The following SWAP70 variants were observed in gnomAD, a reference collection of about 807,000 sequenced individuals.
SWAP70 encodes the protein switching B cell complex subunit SWAP70.
In SWAP70, 34 loss-of-function variants were observed where a neutral mutation model predicts 80.2. That is an observed-to-expected ratio of 0.42 (90% CI 0.32 to 0.56). The LOEUF (loss-of-function observed/expected upper bound fraction) is 0.56, where lower values mean the gene tolerates loss of function less well. Among genes scored for constraint, SWAP70 ranks in the 20% least tolerant of loss-of-function variants. The pLI, the probability that SWAP70 is intolerant of heterozygous loss-of-function variation, is 0.09. For missense variants in SWAP70, 578 were observed against 690.7 expected (o/e 0.84, Z 1.83); for synonymous variants, 239 against 238.5 (o/e 1.00, Z -0.02).
intron 6 of SWAP70, among the ~76,000 whole-genome samples, chr11:9,730,577 T>C (rs1040075922): frequency 6.6e-5 from 10 of 152,296 alleles, no homozygotes; most frequent in African/African-American, 2.2e-4. Context: ...ATTTGAAGAA[T>C]ATAGAATTTT....
chr11:9,722,148 T>C, intron 3 of SWAP70, among the ~76,000 whole-genome samples: 1 of 152,236 alleles, frequency 6.6e-6, no homozygotes, highest in East Asian at 1.9e-4. Context: ...GTGATGGGCA[T>C]TGTGCAAATT....
chr11:9,749,609 C>T lies in SWAP70; in HGVS notation c.1652-255C>T, dbSNP rs564077155. 2.0e-5 allele frequency among the ~76,000 whole-genome samples: 3 copies of T among 152,270 alleles called. No homozygotes were observed. In the South Asian group the frequency reaches 6.2e-4, roughly 32 times the overall value. On this transcript the variant is annotated intron_variant, in intron 11 of 11. Coordinates refer to ENST00000318950, the MANE Select transcript of SWAP70 (RefSeq NM_015055.4). ...GTGTATTTGAATTGTACTAAAGAAA[C>T]TTTTTTAGCCCAAATGTAAAAAAAC...
chr11:9,745,323 G>A (rs183709539), intron 9 of SWAP70, among the ~76,000 whole-genome samples: 178 of 152,306 alleles, frequency 1.2e-3, no homozygotes, highest in Admixed American at 2.8e-3. Context: ...GAGTCACTCC[G>A]AGTGTGTTGC....
intron 1 of SWAP70, among the ~76,000 whole-genome samples, chr11:9,684,349 A>G (rs557298985): frequency 1.3e-5 from 2 of 152,160 alleles, no homozygotes; most frequent in African/African-American, 4.8e-5. Flanking sequence ...CCCAGTGTTG[A>G]GATTATGGGC....
chr11:9,672,560 G>T (rs1285703411), intron 1 of SWAP70, among the ~76,000 whole-genome samples: 2 of 102,476 alleles, frequency 2.0e-5, no homozygotes, highest in Non-Finnish European at 4.1e-5. Context: ...TTTTTGTAGA[G>T]ACAGGGTCTC....
At chr11:9,671,922 ATAAT>A (rs1409676021) in intron 1 of SWAP70, among the ~76,000 whole-genome samples, 1 of 110,110 alleles carries the variant, frequency 9.1e-6, no homozygotes, top group Non-Finnish European at 1.6e-5. Context: ...TAATTATAAT[ATAAT>A]TATATTTTAT....
chr11:9,690,691 C>T (rs532697254), intron 1 of SWAP70, among the ~76,000 whole-genome samples: 10 of 151,864 alleles, frequency 6.6e-5, no homozygotes, highest in East Asian at 1.9e-4. Flanking sequence ...GTTTGAGACC[C>T]GCCTGGGCAC....
intron 2 of SWAP70, among the ~76,000 whole-genome samples, chr11:9,701,540 T>C (rs915149456): frequency 1.3e-5 from 2 of 150,990 alleles, no homozygotes; most frequent in Non-Finnish European, 3.0e-5. Flanking sequence ...CTCAGCACTT[T>C]GGGAGGCTGA....
At chr11:9,725,548 TATATATATATATATATATATA>T (rs1851203104) in intron 4 of SWAP70, among the ~76,000 whole-genome samples, 4 of 9,816 alleles carry the variant, frequency 4.1e-4, no homozygotes, top group South Asian at 2.3e-3. Context: ...TATATATATA[TATATATATATATATATATATA>T]TTTTTTTTTT....
At position 9,732,521 on chromosome 11, in the gene SWAP70, T is replaced by G. The variant is rs1851311355; in HGVS notation, c.899-8T>G. On this transcript the variant is annotated splice_region_variant and splice_polypyrimidine_tract_variant and intron_variant, in intron 6 of 11. Coordinates refer to ENST00000318950, the MANE Select transcript of SWAP70 (RefSeq NM_015055.4). ...CCCATTTTTTTTTTCCTCCTACACC[T>G]TTTACAGCCATTCATTCTACTATTC... 6.2e-7 allele frequency: 1 copy of G among 1,600,804 alleles called. No homozygotes were observed. Among genetic ancestry groups the G allele is most frequent in the African/African-American group, 1.3e-5 (1 of 74,452 alleles).
intron 1 of SWAP70, among the ~76,000 whole-genome samples, chr11:9,667,771 G>A (rs1850327034): frequency 6.6e-6 from 1 of 152,214 alleles, no homozygotes; most frequent in African/African-American, 2.4e-5. Context: ...CATTTGCCCA[G>A]GCTGGTCTTG....
intron 6 of SWAP70, among the ~76,000 whole-genome samples, chr11:9,731,097 A>C (rs1851292673): frequency 1.3e-5 from 2 of 152,234 alleles, no homozygotes; most frequent in African/African-American, 2.4e-5. Flanking sequence ...ATGTTGCTGC[A>C]GAAGACATGA....
intron 3 of SWAP70, among the ~76,000 whole-genome samples, chr11:9,719,734 CT>C (rs1309291033): frequency 6.6e-6 from 1 of 152,122 alleles, no homozygotes; most frequent in Non-Finnish European, 1.5e-5. Flanking sequence ...AAATATGTGC[CT>C]GCCAAGTACA....
chr11:9,686,372 T>TTTAC (rs1350290349), intron 1 of SWAP70, among the ~76,000 whole-genome samples: 1 of 151,568 alleles, frequency 6.6e-6, no homozygotes, highest in African/African-American at 2.4e-5. Flanking sequence ...TATTTATTTA[T>TTTAC]TTTTGTGAGA....
intron 1 of SWAP70, among the ~76,000 whole-genome samples, chr11:9,666,620 C>A (rs927693614): frequency 1.3e-5 from 2 of 151,920 alleles, no homozygotes; most frequent in African/African-American, 4.8e-5. Flanking sequence ...CCCCATCAGA[C>A]AATATTAAAT....
In SWAP70 at chr11:9,750,284, C is replaced by T. The variant is rs1388448934; in HGVS notation, c.*314C>T. The T allele has an allele frequency of 1.4e-5, 3 of 209,926 alleles. No homozygotes were observed. The highest frequency in any genetic ancestry group is 3.0e-5 in the Non-Finnish European group (3 of 100,698). The allele number at this position is 209,926 out of a possible 1,614,324, so 13.0% of individuals were successfully genotyped here. A position where few individuals can be genotyped will look rare whatever the true frequency, so the allele number is the denominator to read the frequency against. On this transcript the variant is annotated 3_prime_UTR_variant, in exon 12 of 12. Transcript: ENST00000318950. Reference sequence around the variant, plus strand: ...TGAACGTGGGAGGCGGAGGTTGCAGCGAGCTGAGATCATGCCGTTGTACTC... The same window carrying T: ...TGAACGTGGGAGGCGGAGGTTGCAGTGAGCTGAGATCATGCCGTTGTACTC...
At chr11:9,739,769 AGACTGGGAAAAGGTTCGTTTGCTCT>A (rs973831451) in intron 8 of SWAP70, among the ~76,000 whole-genome samples, 5 of 152,228 alleles carry the variant, frequency 3.3e-5, no homozygotes, top group Admixed American at 1.3e-4. Flanking sequence ...ACACTAAAGA[AGACTGGGAAAAGGTTCGTTTGCTCT>A]GACTGGGAAA....
At chr11:9,690,694 C>T (rs182091940) in intron 1 of SWAP70, among the ~76,000 whole-genome samples, 35 of 152,126 alleles carry the variant, frequency 2.3e-4, no homozygotes, top group African/African-American at 8.4e-4. Context: ...TGAGACCCGC[C>T]TGGGCACACA....
chr11:9,690,170 A>C (rs1284285238), intron 1 of SWAP70, among the ~76,000 whole-genome samples: 1 of 152,208 alleles, frequency 6.6e-6, no homozygotes, highest in East Asian at 1.9e-4. Context: ...AGATGGTATG[A>C]GTCTACTTGA....
Sources: allele counts gnomAD v4.1 joint callset (sites outside exome capture counted in the v4.1 genomes callset), GRCh38; gene constraint gnomAD v4.1.1; transcripts MANE v1.5; gene names NCBI Gene and HGNC (gene_info 2026-07-23, HGNC 2026-07-21).